RECQL5: variants seen among roughly 807,000 people sequenced by gnomAD.
RECQL5 encodes the protein ATP-dependent DNA helicase Q5.
In RECQL5, 88 loss-of-function variants were observed where a neutral mutation model predicts 103.4. The ratio of observed to expected loss-of-function variants is 0.85; its 90% CI spans 0.72 to 1.02. RECQL5 has a LOEUF of 1.02. Among genes scored for constraint, RECQL5 ranks in the 50% least tolerant of loss-of-function variants. The pLI is 0.00. For synonymous variants in RECQL5, 552 were observed against 507.9 expected, an observed-to-expected ratio of 1.09 and a Z score of -1.17; for missense variants, 1,232 against 1,284.3, an observed-to-expected ratio of 0.96 and a Z score of 0.62.
Position 75,649,665 on chromosome 17 carries a change from T to C in RECQL5, c.1229+1521A>G, listed in dbSNP as rs969257704. The C allele has an allele frequency of 6.1e-6, 6 of 985,382 alleles. No homozygotes were observed. The African/African-American group carries it at 8.7e-5, about 14-fold the overall frequency. 61.0% of individuals were successfully genotyped at this position (985,382 alleles called of 1,614,324 possible). On this transcript the variant is annotated intron_variant, in intron 8 of 19. Transcript: ENST00000317905. ...GCTTTTTCTTTGTGCTACACGCCAG[T>C]TATGCAATAAAGAAACATTCACTTA...
At chr17:75,634,075 C>G in intron 8 of RECQL5, 1 of 985,628 alleles carries the variant, frequency 1.0e-6, no homozygotes, top group Non-Finnish European at 1.2e-6. Context: ...CAGCAGCTGG[C>G]TGTCAGCAGA....
At chr17:75,653,476 T>C (rs2059579666) in intron 7 of RECQL5, among the ~76,000 whole-genome samples, 1 of 152,238 alleles carries the variant, frequency 6.6e-6, no homozygotes, top group Non-Finnish European at 1.5e-5. Context: ...TATGGACTTG[T>C]GGCTGAATCA....
At chr17:75,628,583 T>C in intron 17 of RECQL5, 89 bp downstream of exon 17, 1 of 1,507,988 alleles carries the variant, frequency 6.6e-7, no homozygotes, top group Non-Finnish European at 8.9e-7. Context: ...GAAAGCTGAT[T>C]TTCCCTGACC....
chr17:75,648,625 A>C (rs2059516735), intron 8 of RECQL5, among the ~76,000 whole-genome samples: 1 of 149,434 alleles, frequency 6.7e-6, no homozygotes, highest in Non-Finnish European at 1.5e-5. Context: ...CACCCGCCTC[A>C]GCCTCCAAAG....
At position 75,640,786 on chromosome 17, in the gene RECQL5, T is replaced by G; in HGVS notation, c.1230-9118A>C. ...TGAGTCCCGTGCTCTCTCCCGGCCC[T>G]CCAGCTACTGTTCTGCTGTTGCTGC... On this transcript the variant is annotated intron_variant, in intron 8 of 19. Coordinates refer to ENST00000317905, the MANE Select transcript of RECQL5 (RefSeq NM_004259.7). The surrounding 1 kb of genome is among the most constrained non-coding windows in gnomAD (Gnocchi z 4.6). The G allele has an allele frequency of 6.5e-7, 1 of 1,549,744 alleles. No homozygotes were observed. The highest frequency in any genetic ancestry group is 8.7e-7 in the Non-Finnish European group (1 of 1,146,456).
chr17:75,629,241 G>C lies in RECQL5; in HGVS notation c.2182C>G (p.Pro728Ala). ...GGSAHYGGPS[P>A]EKKAKSSSGG... ...GAGGAACTTTTTGCCTTCTTCTCAG[G>C]GGAGGGCCCCCCATAGTGAGCGCTG... is the stretch of plus-strand genomic sequence containing the variant. Residue 728 changes from proline (P) to alanine (A), a missense_variant, in exon 16 of 20, where the codon CCT (proline) becomes GCT (alanine). Physicochemically the swap from Pro to Ala is conservative, Grantham distance 27. Transcript: ENST00000317905. 6.2e-7 allele frequency: 1 copy of C among 1,612,698 alleles called. No individual in the cohort carries two copies. The highest frequency in any genetic ancestry group is 2.2e-5 in the East Asian group (1 of 44,882).
rs2059334925 is a variant in RECQL5, at chr17:75,636,965, C to A, written c.1230-5297G>T. 6.6e-6 allele frequency: 1 copy of A among 152,258 alleles called. No homozygotes were observed. 9.4% of individuals were successfully genotyped at this position (152,258 alleles called of 1,614,324 possible). On this transcript the variant is annotated intron_variant, in intron 8 of 19. Coordinates refer to ENST00000317905, the MANE Select transcript of RECQL5 (RefSeq NM_004259.7). The surrounding 1 kb of genome is among the most constrained non-coding windows in gnomAD (Gnocchi z 5.4). Reference sequence around the variant, plus strand: ...AAGCCCTGGGCGCAAAGCTATGACACTGTCCACAGCCGCAGCCTGCTGCTG... The same window carrying A: ...AAGCCCTGGGCGCAAAGCTATGACAATGTCCACAGCCGCAGCCTGCTGCTG...
In RECQL5 at chr17:75,627,335, G is replaced by C; in HGVS notation, c.*87C>G. The C allele has an allele frequency of 3.0e-6, 3 of 1,001,892 alleles. No homozygotes were observed. Among genetic ancestry groups the C allele is most frequent in the South Asian group, 1.3e-5 (1 of 75,232 alleles). The allele number at this position is 1,001,892 out of a possible 1,614,324, so 62.1% of individuals were successfully genotyped here. On this transcript the variant is annotated 3_prime_UTR_variant, in exon 20 of 20. Transcript: ENST00000317905. ...GAAAGGAGAAGGACTGAGAAAAGAC[G>C]ATGGCCCTGGCATCAGCAGGTGAGG...
chr17:75,638,382 G>A (rs1461600516), intron 8 of RECQL5: 1 of 152,362 alleles, frequency 6.6e-6, no homozygotes, highest in Non-Finnish European at 1.5e-5. Flanking sequence ...TCGGGAGGCT[G>A]AGGCAGGAGA....
chr17:75,645,985 G>A (rs1178686177), intron 8 of RECQL5, among the ~76,000 whole-genome samples: 1 of 152,214 alleles, frequency 6.6e-6, no homozygotes, highest in Non-Finnish European at 1.5e-5. Context: ...TGCCTGGCAT[G>A]GTTCCTGGCC....
chr17:75,658,257 G>A (rs766639425), intron 7 of RECQL5, 41 bp downstream of exon 7: 7 of 1,591,864 alleles, frequency 4.4e-6, no homozygotes, highest in Non-Finnish European at 6.0e-6. Flanking sequence ...ACTGGAGAGT[G>A]GTGGGTCAGA....
In RECQL5 at chr17:75,631,488, C is replaced by T. The variant is rs1213141773; in HGVS notation, c.1410G>A (p.Leu470=). ...PSQGNGFDPE[L]YEGGRKGYGD... ...CGTAGCCCTTGCGGCCTCCCTCATA[C>T]AGCTCGGGGTCAAAGCCGTTCCCCT... The change falls in exon 9 of 20, where the codon CTG becomes CTA. Residue 470 remains leucine (L), a synonymous_variant. Coordinates refer to ENST00000317905, the MANE Select transcript of RECQL5 (RefSeq NM_004259.7). The T allele has an allele frequency of 1.2e-6, 2 of 1,613,248 alleles. No individual in the cohort carries two copies. Among genetic ancestry groups the T allele is most frequent in the East Asian group, 2.2e-5 (1 of 44,886 alleles).
At position 75,629,047 on chromosome 17, in the gene RECQL5, C is replaced by T; in HGVS notation, c.2376G>A (p.Glu792=). ...PEAEGACPSC[E]GVQGPPMAPE... is the part of the protein sequence containing the mutation. ...GGGCCATCGGGGGTCCCTGAACCCCCTCACAGGAGGGGCAGGCACCTTCTG... is the reference window on the plus strand; with the variant it reads ...GGGCCATCGGGGGTCCCTGAACCCCTTCACAGGAGGGGCAGGCACCTTCTG... Residue 792 remains glutamate (E), a synonymous_variant, in exon 16 of 20, where the codon GAG becomes GAA. Coordinates refer to ENST00000317905, the MANE Select transcript of RECQL5 (RefSeq NM_004259.7). 2 of 1,601,090 alleles carry T rather than the reference C, an allele frequency of 1.2e-6. No homozygotes were observed. The highest frequency in any genetic ancestry group is 1.7e-6 in the Non-Finnish European group (2 of 1,173,646).
At chr17:75,659,344 G>A (rs555946063) in intron 6 of RECQL5, among the ~76,000 whole-genome samples, 29 of 152,226 alleles carry the variant, frequency 1.9e-4, no homozygotes, top group African/African-American at 6.5e-4. Context: ...ACAGGCATAA[G>A]CCACTGTGCC....
intron 3 of RECQL5, among the ~76,000 whole-genome samples, chr17:75,664,290 C>T (rs997882193): frequency 6.6e-6 from 1 of 152,182 alleles, no homozygotes; most frequent in African/African-American, 2.4e-5. Flanking sequence ...AGGTCCCAGA[C>T]AGTTTCTCAT....
Position 75,634,009 on chromosome 17 carries a change from G to A in RECQL5, c.1230-2341C>T, listed in dbSNP as rs576319253. On this transcript the variant is annotated intron_variant, in intron 8 of 19. Transcript: ENST00000317905. Reference sequence around the variant, plus strand: ...GCTTCCTCGGGCTCCCCCTCGCGACGGTAATTTGACACTTGGATCTCCAGG... The same window carrying A: ...GCTTCCTCGGGCTCCCCCTCGCGACAGTAATTTGACACTTGGATCTCCAGG... 2.8e-4 allele frequency: 272 copies of A among 985,540 alleles called. No individual in the cohort carries two copies. In the Middle Eastern group the frequency reaches 3.1e-3, roughly 11 times the overall value. The allele number at this position is 985,540 out of a possible 1,614,324, so 61.0% of individuals were successfully genotyped here.
In RECQL5 at chr17:75,665,265, C is replaced by A. The variant is rs2059753083; in HGVS notation, c.131-93G>T. On this transcript the variant is annotated intron_variant, in intron 2 of 19. Transcript: ENST00000317905. ...ATGAGAATGTAGGAAAAGCACCTAG[C>A]AGAGTGTCTGGCACATGGGAGGGTC... The A allele has an allele frequency of 3.3e-6, 4 of 1,214,240 alleles. No individual in the cohort carries two copies. In the South Asian group the frequency reaches 5.2e-5, roughly 16 times the overall value. 75.2% of individuals were successfully genotyped at this position (1,214,240 alleles called of 1,614,324 possible).
In RECQL5 at chr17:75,652,935, C is replaced by G. The variant is rs148890510; in HGVS notation, c.1150-1670G>C. The stretch of plus-strand genomic sequence containing the variant: ...GTTTTCTCATCTCCACTCCTGCCTC[C>G]CCCACACAATATAGTTTCCTGTTTT... On this transcript the variant is annotated intron_variant, in intron 7 of 19. Transcript: ENST00000317905. Among the ~76,000 whole-genome samples the G allele has an allele frequency of 6.2e-4, 94 of 152,366 alleles. No homozygotes were observed. The East Asian group carries it at 0.017, about 28-fold the overall frequency.
chr17:75,629,499 G>A (rs370538289), intron 15 of RECQL5, 24 bp from the exon 16 acceptor site: 257 of 1,501,428 alleles, frequency 1.7e-4, no homozygotes, highest in South Asian at 3.2e-4. Context: ...CAGGAGGAGA[G>A]GAGGTTCAGC....
Sources: allele counts gnomAD v4.1 joint callset (sites outside exome capture counted in the v4.1 genomes callset), GRCh38; gene constraint gnomAD v4.1.1; non-coding constraint Gnocchi (gnomAD v3.1); transcripts MANE v1.5; gene names NCBI Gene and HGNC (gene_info 2026-07-23, HGNC 2026-07-21).